The following RBFOX1 variants were observed in gnomAD, a reference collection of about 807,000 sequenced individuals.
RBFOX1 encodes the protein RNA binding fox-1 homolog 1, also known as RNA binding protein fox-1 homolog 1.
Under a neutral mutation model 57.7 loss-of-function variants are expected in RBFOX1, and 8 were observed. The ratio of observed to expected loss-of-function variants is 0.14; its 90% CI spans 0.08 to 0.25. The LOEUF is 0.25. Ranked by LOEUF, RBFOX1 falls within the 10% of genes least tolerant of loss-of-function variation. RBFOX1 has a pLI of 1.00. For synonymous variants in RBFOX1, 326 were observed against 222.4 expected, an observed-to-expected ratio of 1.47 and a Z score of -4.15; for missense variants, 611 against 548.5, an observed-to-expected ratio of 1.11 and a Z score of -1.14.
intron 3 of RBFOX1, among the ~76,000 whole-genome samples, chr16:6,721,146 A>G (rs1232426430): frequency 6.6e-6 from 1 of 152,224 alleles, no homozygotes; most frequent in Non-Finnish European, 1.5e-5. Flanking sequence ...CACGTAACAT[A>G]AAACATATCA....
At chr16:5,724,509 C>G (rs576691052) in intron 3 of RBFOX1, among the ~76,000 whole-genome samples, 2 of 152,202 alleles carry the variant, frequency 1.3e-5, no homozygotes, top group Admixed American at 6.5e-5. Flanking sequence ...GAACCCAGGA[C>G]CCATTACCTA....
At chr16:5,911,150 G>C (rs2058593304) in intron 4 of RBFOX1, among the ~76,000 whole-genome samples, 1 of 152,186 alleles carries the variant, frequency 6.6e-6, no homozygotes. Context: ...TGGGGTGCTT[G>C]GCAGACATAG....
intron 2 of RBFOX1, among the ~76,000 whole-genome samples, chr16:6,607,622 C>T (rs752631077): frequency 1.3e-5 from 2 of 151,598 alleles, no homozygotes; most frequent in African/African-American, 4.8e-5. Flanking sequence ...TCTCTCTCTT[C>T]TTCCTCCTCT....
At chr16:6,372,849 G>A (rs2090647228) in intron 2 of RBFOX1, among the ~76,000 whole-genome samples, 1 of 151,100 alleles carries the variant, frequency 6.6e-6, no homozygotes, top group Admixed American at 6.6e-5. Context: ...AGGATCTTTG[G>A]GTAGGAGTAC....
At chr16:5,991,246 G>A (rs762272659) in intron 4 of RBFOX1, among the ~76,000 whole-genome samples, 5 of 152,100 alleles carry the variant, frequency 3.3e-5, no homozygotes, top group Non-Finnish European at 5.9e-5. Flanking sequence ...GAGCAGCAAA[G>A]TTCTAGCACA....
At chr16:6,855,125 G>A in intron 3 of RBFOX1, among the ~76,000 whole-genome samples, 1 of 152,040 alleles carries the variant, frequency 6.6e-6, no homozygotes, top group East Asian at 1.9e-4. Context: ...ACAGATTCCA[G>A]CACTATACTG....
In RBFOX1 at chr16:5,999,567, C is replaced by T. The variant is rs559956242; in HGVS notation, c.351+132232C>T. ...AGTGAAGGAAGAAGGGTTGGCCGGG[C>T]GCCGCTGGGTGCGGCTGGGCTTGGT... On this transcript the variant is annotated intron_variant, in intron 4 of 19. Transcript: ENST00000641259. Among the ~76,000 whole-genome samples, 9 of 152,260 alleles carry T rather than the reference C, an allele frequency of 5.9e-5. No homozygotes were observed. The South Asian group carries it at 1.5e-3, about 25-fold the overall frequency.
chr16:6,967,069 A>G (rs919072285), intron 3 of RBFOX1, among the ~76,000 whole-genome samples: 9 of 152,108 alleles, frequency 5.9e-5, no homozygotes, highest in African/African-American at 9.7e-5. Flanking sequence ...CCATATATCT[A>G]TACATTCATC....
intron 2 of RBFOX1, among the ~76,000 whole-genome samples, chr16:6,335,271 G>C (rs2083486733): frequency 6.6e-6 from 1 of 152,174 alleles, no homozygotes; most frequent in Non-Finnish European, 1.5e-5. Flanking sequence ...CTTTGAAGGT[G>C]GTGGTCTTAT....
chr16:6,495,072 C>G (rs1219637575), intron 2 of RBFOX1, among the ~76,000 whole-genome samples: 1 of 152,080 alleles, frequency 6.6e-6, no homozygotes, highest in African/African-American at 2.4e-5. Context: ...GCTGGAGAAC[C>G]CCGCATTTTA....
intron 4 of RBFOX1, among the ~76,000 whole-genome samples, chr16:7,504,925 C>T (rs1182761377): frequency 1.4e-5 from 2 of 148,086 alleles, no homozygotes; most frequent in African/African-American, 2.6e-5. Flanking sequence ...GAAGCAATTT[C>T]GCAAACAGAC....
chr16:6,093,649 T>A (rs555002075), intron 1 of RBFOX1, among the ~76,000 whole-genome samples: 14 of 152,140 alleles, frequency 9.2e-5, no homozygotes, highest in Admixed American at 5.9e-4. Context: ...TGCAGCACAG[T>A]CTCACTCTGT....
intron 3 of RBFOX1, among the ~76,000 whole-genome samples, chr16:6,698,422 A>G (rs1008366879): frequency 8.5e-5 from 13 of 152,150 alleles, no homozygotes; most frequent in Non-Finnish European, 4.4e-5. Flanking sequence ...AAGTAAGACC[A>G]TTCTTGTGAA....
intron 2 of RBFOX1, among the ~76,000 whole-genome samples, chr16:6,610,768 C>A (rs531835472): frequency 6.6e-6 from 1 of 152,204 alleles, no homozygotes; most frequent in Non-Finnish European, 1.5e-5. Flanking sequence ...ACATCACCAA[C>A]AAAATGTCTG....
chr16:6,904,502 G>A (rs112598017), intron 3 of RBFOX1, among the ~76,000 whole-genome samples: 4,228 of 150,460 alleles, frequency 0.028, 199 homozygotes, highest in African/African-American at 0.098. Flanking sequence ...TCGGGAGGCC[G>A]AGGCAGGAGA....
At chr16:7,285,132 A>AT (rs1475913339) in intron 4 of RBFOX1, among the ~76,000 whole-genome samples, 2 of 98,492 alleles carry the variant, frequency 2.0e-5, no homozygotes, top group Non-Finnish European at 3.8e-5. Context: ...CCTTTATAGC[A>AT]TTTACCACAA....
chr16:6,618,283 C>T (rs1378515432), intron 2 of RBFOX1, among the ~76,000 whole-genome samples: 1 of 152,134 alleles, frequency 6.6e-6, no homozygotes, highest in Admixed American at 6.5e-5. Flanking sequence ...AGCAACAAAA[C>T]CGTTCATTGT....
At position 7,711,326 on chromosome 16, in the gene RBFOX1, G is replaced by C. The variant is rs577882657; in HGVS notation, c.*581G>C. 5 of 152,466 alleles carry C rather than the reference G, an allele frequency of 3.3e-5. No homozygotes were observed. The highest frequency in any genetic ancestry group is 7.2e-5 in the African/African-American group (3 of 41,408). The allele number at this position is 152,466 out of a possible 1,614,324, so 9.4% of individuals were successfully genotyped here. A position where few individuals can be genotyped will look rare whatever the true frequency, so the allele number is the denominator to read the frequency against. ...TACTCATTGCCAGTTCAAGCCAAAG[G>C]TCATGTTGTTAAGGGGGTGCTTCTA... On this transcript the variant is annotated 3_prime_UTR_variant, in exon 16 of 16. Transcript: ENST00000550418.
chr16:5,667,930 C>T (rs925901820), intron 3 of RBFOX1, among the ~76,000 whole-genome samples: 8 of 152,144 alleles, frequency 5.3e-5, no homozygotes, highest in African/African-American at 1.9e-4. Context: ...AGAGATCTAC[C>T]TGTAGACCAC....
Sources: gnomAD v4.1 joint callset for allele counts (sites outside exome capture counted in the v4.1 genomes callset) on GRCh38, gnomAD v4.1.1 for gene constraint, MANE v1.5 for transcripts, NCBI Gene and HGNC (gene_info 2026-07-23, HGNC 2026-07-21) for gene names.